Variants in COMT observed in about 807,000 individuals in gnomAD.
The protein encoded by COMT is catechol-O-methyltransferase, also known as catechol O-methyltransferase.
COMT carries 13 observed loss-of-function variants against 18.9 expected under a neutral mutation model. That is an observed-to-expected ratio of 0.69 (90% confidence interval 0.45 to 1.09). The LOEUF is 1.09. Among genes scored for constraint, COMT ranks in the 50% least tolerant of loss-of-function variants. The pLI, the probability that COMT is intolerant of heterozygous loss-of-function variation, is 0.00. For missense variants in COMT, 329 were observed against 361.8 expected, an observed-to-expected ratio of 0.91 and a Z score of 0.73; for synonymous variants, 150 against 160.9, an observed-to-expected ratio of 0.93 and a Z score of 0.51.
chr22:19,958,966 C>T (rs527630674), intron 1 of COMT, among the ~76,000 whole-genome samples: 1 of 152,124 alleles, frequency 6.6e-6, no homozygotes, highest in South Asian at 2.1e-4. Context: ...CCGGCCTGCA[C>T]CCCACCGCCC....
At chr22:19,952,377 T>C (rs9605040) in intron 1 of COMT, among the ~76,000 whole-genome samples, 5,493 of 150,710 alleles carry the variant, frequency 0.036, 171 homozygotes, top group Non-Finnish European at 0.056. Flanking sequence ...CGGTGGCTCA[T>C]GCCTGTAATC....
At chr22:19,949,754 C>T (rs569676165) in intron 1 of COMT, among the ~76,000 whole-genome samples, 2 of 152,204 alleles carry the variant, frequency 1.3e-5, no homozygotes, top group East Asian at 1.9e-4. Flanking sequence ...TGAGTCACCA[C>T]GCCCGGCCAT....
At chr22:19,942,014 T>G in intron 1 of COMT, 117 bp downstream of exon 1, 6 of 428,820 alleles carry the variant, frequency 1.4e-5, no homozygotes, top group Non-Finnish European at 2.0e-5. Flanking sequence ...TGAAGTGATC[T>G]GACGTTGGGT....
At chr22:19,943,749 G>A (rs1392395841) in intron 1 of COMT, among the ~76,000 whole-genome samples, 1 of 152,248 alleles carries the variant, frequency 6.6e-6, no homozygotes, top group Non-Finnish European at 1.5e-5. Context: ...CAGGGCAGCA[G>A]TTGAGGTTTC....
chr22:19,949,799 C>T (rs1291624117), intron 1 of COMT, among the ~76,000 whole-genome samples: 1 of 152,076 alleles, frequency 6.6e-6, no homozygotes, highest in East Asian at 1.9e-4. Flanking sequence ...GGGAAGAAGA[C>T]AATTGGAAAT....
intron 2 of COMT, chr22:19,962,153 C>T (rs1942206225): frequency 3.1e-6 from 1 of 326,722 alleles, no homozygotes; most frequent in Admixed American, 4.2e-5. Context: ...TGGGGCTTCC[C>T]TACCCCTGGG....
At position 19,963,684 on chromosome 22, in the gene COMT, C is replaced by G. The variant is rs4818; in HGVS notation, c.408C>G (p.Leu136=). The change falls in exon 4 of 6, where the codon CTC becomes CTG. Residue 136 remains leucine (L), a synonymous_variant. Transcript: ENST00000361682. ...GCCTGCTGTCACCAGGGGCGAGGCT[C>G]ATCACCATCGAGATCAACCCCGACT... The part of the protein sequence containing the change: ...MARLLSPGAR[L]ITIEINPDCA... The G allele has an allele frequency of 0.37, 604,581 of 1,612,472 alleles. 116,267 individuals carry two copies. The highest frequency in any genetic ancestry group is 0.4 in the Non-Finnish European group (472,616 of 1,179,844).
intron 1 of COMT, among the ~76,000 whole-genome samples, chr22:19,958,166 ATTTT>A (rs361708): frequency 2.9e-5 from 4 of 139,340 alleles, no homozygotes; most frequent in Admixed American, 7.2e-5. Context: ...AGCATGTTTA[ATTTT>A]TTTTTTTTTT....
At chr22:19,949,653 A>G (rs1037088173) in intron 1 of COMT, among the ~76,000 whole-genome samples, 14 of 151,892 alleles carry the variant, frequency 9.2e-5, no homozygotes, top group Non-Finnish European at 2.1e-4. Context: ...GCTGGAGTGC[A>G]GTGGCACAAT....
At chr22:19,958,121 G>A (rs1269177734) in intron 1 of COMT, among the ~76,000 whole-genome samples, 4 of 151,156 alleles carry the variant, frequency 2.6e-5, no homozygotes, top group African/African-American at 9.7e-5. Context: ...AATTTTTGTG[G>A]GTTTTTAAGA....
chr22:19,956,967 T>C (rs1942077665), intron 1 of COMT, among the ~76,000 whole-genome samples: 1 of 151,820 alleles, frequency 6.6e-6, no homozygotes, highest in African/African-American at 2.4e-5. Context: ...TTTTTTTTTT[T>C]TGAGACGGAG....
intron 1 of COMT, among the ~76,000 whole-genome samples, chr22:19,957,352 C>T (rs139188851): frequency 0.01 from 1,557 of 152,244 alleles, 5 homozygotes; most frequent in Middle Eastern, 0.017. Flanking sequence ...TTCAAGGCTG[C>T]AGCTGCAGTG....
At chr22:19,963,535 T>G in intron 3 of COMT, 31 bp from the exon 4 acceptor site, 1 of 1,607,578 alleles carries the variant, frequency 6.2e-7, no homozygotes, top group Non-Finnish European at 8.5e-7. Flanking sequence ...CCACCTGTGC[T>G]CACCTCTCCT....
chr22:19,968,665 G>A lies in COMT; in HGVS notation c.745G>A (p.Glu249Lys). 1.9e-6 allele frequency: 3 copies of A among 1,613,978 alleles called. No individual in the cohort carries two copies. Among genetic ancestry groups the A allele is most frequent in the Non-Finnish European group, 2.5e-6 (3 of 1,180,006 alleles). Residue 249 changes from glutamate (E) to lysine (K), a missense_variant, in exon 6 of 6, where the codon GAA becomes AAA. Transcript: ENST00000361682. Reference sequence around the variant, plus strand: ...GTGCACACACTACCAATCGTTCCTGGAATACAGGGAGGTGGTGGACGGCCT... The same window carrying A: ...GTGCACACACTACCAATCGTTCCTGAAATACAGGGAGGTGGTGGACGGCCT... ...FECTHYQSFL[E>K]YREVVDGLEK...
At chr22:19,942,699 G>GA (rs1241237163) in intron 1 of COMT, among the ~76,000 whole-genome samples, 4 of 152,278 alleles carry the variant, frequency 2.6e-5, no homozygotes, top group African/African-American at 7.2e-5. Flanking sequence ...AGTTAATGCA[G>GA]AAAAAACAGA....
chr22:19,948,618 C>T (rs972518543), intron 1 of COMT, among the ~76,000 whole-genome samples: 1 of 152,106 alleles, frequency 6.6e-6, no homozygotes, highest in Admixed American at 6.6e-5. Context: ...TGTAATTGCA[C>T]CACTGCACTC....
At chr22:19,953,493 C>T (rs1008952519) in intron 1 of COMT, among the ~76,000 whole-genome samples, 1 of 152,144 alleles carries the variant, frequency 6.6e-6, no homozygotes, top group Non-Finnish European at 1.5e-5. Context: ...CAGAGTTTCA[C>T]CATGTTGGCC....
chr22:19,963,591 G>T lies in COMT; in HGVS notation c.315G>T (p.Gln105His). Reference sequence around the variant, plus strand: ...GCAAGATCGTGGACGCCGTGATTCAGGAGCACCAGCCCTCCGTGCTGCTGG... The same window carrying T: ...GCAAGATCGTGGACGCCGTGATTCATGAGCACCAGCCCTCCGTGCTGCTGG... The part of the protein sequence containing the change: ...KKGKIVDAVI[Q>H]EHQPSVLLEL... The change falls in exon 4 of 6, where the codon CAG becomes CAT. Residue 105 changes from glutamine to histidine, a missense_variant. Gln to His is a conservative substitution (Grantham distance 24, BLOSUM62 0). Coordinates refer to ENST00000361682, the MANE Select transcript of COMT (RefSeq NM_000754.4). 1.9e-6 allele frequency: 3 copies of T among 1,612,786 alleles called. No individual in the cohort carries two copies. Among genetic ancestry groups the T allele is most frequent in the Admixed American group, 3.3e-5 (2 of 60,016 alleles).
rs1942218448 is a variant in COMT at position 19,962,572 on chromosome 22, CTGGTGCTGCTGG to C, written c.58_69del (p.Val20_Leu23del). 2 of 1,569,330 alleles carry C rather than the reference CTGGTGCTGCTGG, an allele frequency of 1.3e-6. No individual in the cohort carries two copies. The highest frequency in any genetic ancestry group is 2.3e-5 in the South Asian group (2 of 85,990). On this transcript the variant is annotated inframe_deletion, in exon 3 of 6. Coordinates refer to ENST00000361682, the MANE Select transcript of COMT (RefSeq NM_000754.4). ...GCTGTTGGCAGCTGTGTTGCTGGGC[CTGGTGCTGCTGG>C]TGGTGCTGCTGCTGCTTCTGAGGCA... is the stretch of plus-strand genomic sequence containing the variant.
Sources: allele counts gnomAD v4.1 joint callset (sites outside exome capture counted in the v4.1 genomes callset), GRCh38; gene constraint gnomAD v4.1.1; transcripts MANE v1.5; gene names NCBI Gene and HGNC (gene_info 2026-07-23, HGNC 2026-07-21).